Variants in GLS2 observed in about 807,000 individuals in gnomAD.
GLS2 encodes glutaminase liver isoform, mitochondrial.
A neutral mutation model predicts 79.0 loss-of-function variants in GLS2; 52 were observed. The observed-to-expected ratio is 0.66, with a 90% CI of 0.53 to 0.83. The LOEUF (loss-of-function observed/expected upper bound fraction) is 0.83. Ranked by LOEUF, GLS2 falls within the 40% of genes least tolerant of loss-of-function variation. GLS2 has a pLI of 0.00. For synonymous variants in GLS2, 238 were observed against 280.8 expected, an observed-to-expected ratio of 0.85 and a Z score of 1.52; for missense variants, 561 against 764.8, an observed-to-expected ratio of 0.73 and a Z score of 3.14.
At chr12:56,475,273 GCAAA>G in intron 9 of GLS2, 163 bp from the exon 10 acceptor site, 5 of 1,523,480 alleles carry the variant, frequency 3.3e-6, no homozygotes, top group Non-Finnish European at 4.4e-6. Context: ...CTGAACCTGA[GCAAA>G]CACTCAGCAT....
At chr12:56,480,613 T>A (rs1870205580) in intron 1 of GLS2, among the ~76,000 whole-genome samples, 1 of 152,204 alleles carries the variant, frequency 6.6e-6, no homozygotes, top group African/African-American at 2.4e-5. Flanking sequence ...TTTAGCTCCC[T>A]TCTCACACTT....
Position 56,471,435 on chromosome 12 carries a change from T to C in GLS2, c.*52A>G. The C allele has an allele frequency of 1.3e-6, 2 of 1,556,440 alleles. No homozygotes were observed. Among genetic ancestry groups the C allele is most frequent in the Non-Finnish European group, 1.7e-6 (2 of 1,149,872 alleles). On this transcript the variant is annotated 3_prime_UTR_variant, in exon 18 of 18. Coordinates refer to ENST00000311966, the MANE Select transcript of GLS2 (RefSeq NM_013267.4). The stretch of plus-strand genomic sequence containing the variant: ...GTATTTTTGGTGGTTATGGATTACA[T>C]GTGTGGCCAGCTCATGCTTTTTCTT...
intron 1 of GLS2, among the ~76,000 whole-genome samples, chr12:56,482,807 G>A (rs1166873608): frequency 6.6e-6 from 1 of 152,106 alleles, no homozygotes; most frequent in Non-Finnish European, 1.5e-5. Flanking sequence ...ATGTTGCCTA[G>A]GCCGATCTCA....
At position 56,474,606 on chromosome 12, in the gene GLS2, T is replaced by C; in HGVS notation, c.1162A>G (p.Asn388Asp). ...ESVLSAEAVRNTLSLMHSCGM... is the reference protein window; with the variant it reads ...ESVLSAEAVRDTLSLMHSCGM... Reference sequence around the variant, plus strand: ...CAGGAATGCATGAGGCTGAGGGTGTTGCGCACTGCTTCAGCACTCAGCACA... The same window carrying C: ...CAGGAATGCATGAGGCTGAGGGTGTCGCGCACTGCTTCAGCACTCAGCACA... The change falls in exon 12 of 18, where the codon AAC becomes GAC. Residue 388 changes from asparagine to aspartate, a missense_variant. Physicochemically the swap from Asn to Asp is conservative, Grantham distance 23. Coordinates refer to ENST00000311966, the MANE Select transcript of GLS2 (RefSeq NM_013267.4). 1 of 1,614,208 alleles carries C rather than the reference T, an allele frequency of 6.2e-7. No individual in the cohort carries two copies. The highest frequency in any genetic ancestry group is 8.5e-7 in the Non-Finnish European group (1 of 1,180,054).
chr12:56,477,576 C>T, intron 7 of GLS2, 84 bp downstream of exon 7: 1 of 1,404,630 alleles, frequency 7.1e-7, no homozygotes, highest in Admixed American at 2.0e-5. Flanking sequence ...ACCAGTCTCC[C>T]TGGAGAGCTG....
At chr12:56,479,625 C>A in intron 3 of GLS2, 155 bp downstream of exon 3, 2 of 868,852 alleles carry the variant, frequency 2.3e-6, no homozygotes, top group South Asian at 2.8e-5. Context: ...ATTGTTTGAA[C>A]TCTTATGATG....
chr12:56,478,791 G>C, intron 4 of GLS2: 2 of 354,710 alleles, frequency 5.6e-6, no homozygotes, highest in South Asian at 7.4e-5. Context: ...TCAGGAGTTC[G>C]AGACCAGCCT....
At chr12:56,472,275 T>C in intron 15 of GLS2, 80 bp from the exon 16 acceptor site, 4 of 1,303,672 alleles carry the variant, frequency 3.1e-6, no homozygotes, top group Non-Finnish European at 4.4e-6. Flanking sequence ...GGTGTCAGAC[T>C]GGATGAGTTT....
chr12:56,475,799 CCAG>C (rs1295380233), intron 8 of GLS2, 117 bp from the exon 9 acceptor site: 1 of 1,381,730 alleles, frequency 7.2e-7, no homozygotes, highest in Non-Finnish European at 1.0e-6. Flanking sequence ...CTCTCTGAGG[CCAG>C]CAGATTTCCA....
intron 1 of GLS2, among the ~76,000 whole-genome samples, chr12:56,484,201 C>T (rs1256369775): frequency 2.0e-5 from 3 of 152,094 alleles, no homozygotes; most frequent in Non-Finnish European, 2.9e-5. Context: ...ACCCAGGAGG[C>T]GGAGGTTGCA....
At chr12:56,481,775 C>G (rs1870319718) in intron 1 of GLS2, among the ~76,000 whole-genome samples, 1 of 151,238 alleles carries the variant, frequency 6.6e-6, no homozygotes, top group Non-Finnish European at 1.5e-5. Flanking sequence ...CCTGTAATCC[C>G]AGCTACTCCA....
chr12:56,472,633 A>G lies in GLS2; in HGVS notation c.1511+57T>C. On this transcript the variant is annotated intron_variant, in intron 15 of 17. Transcript: ENST00000311966. ...TAACTATTTTGTTACGCTGCCTCCT[A>G]GTAAAATCTCTGACCAGGAGTATTT... 2.7e-6 allele frequency: 4 copies of G among 1,471,970 alleles called. No individual in the cohort carries two copies. The Admixed American group carries it at 6.7e-5, about 25-fold the overall frequency. The allele number at this position is 1,471,970 out of a possible 1,614,324, so 91.2% of individuals were successfully genotyped here.
chr12:56,475,467 A>G (rs1281548849), intron 9 of GLS2, 157 bp downstream of exon 9: 2 of 744,790 alleles, frequency 2.7e-6, no homozygotes, highest in Non-Finnish European at 4.4e-6. Flanking sequence ...AAGATAAACA[A>G]ATGTTTATGA....
At chr12:56,475,524 T>A (rs906658350) in intron 9 of GLS2, 100 bp downstream of exon 9, 156 of 1,254,982 alleles carry the variant, frequency 1.2e-4, no homozygotes, top group Non-Finnish European at 1.6e-4. Flanking sequence ...TGGGATTTCT[T>A]CCTCCTAAGA....
rs1869328577 is a variant in GLS2, at chr12:56,472,075, G to A, written c.1588+44C>T. 5 of 1,594,950 alleles carry A rather than the reference G, an allele frequency of 3.1e-6. No individual in the cohort carries two copies. In the Admixed American group the frequency reaches 5.0e-5, roughly 16 times the overall value. The stretch of plus-strand genomic sequence containing the variant: ...AGGTACTTTTGGTGAAAAAGAAAGG[G>A]TCTTATGATTACCCTCCTCCTCCCC... On this transcript the variant is annotated intron_variant, in intron 16 of 17. Coordinates refer to ENST00000311966, the MANE Select transcript of GLS2 (RefSeq NM_013267.4).
intron 1 of GLS2, among the ~76,000 whole-genome samples, chr12:56,483,856 TG>T (rs1470908146): frequency 2.0e-5 from 3 of 152,240 alleles, no homozygotes; most frequent in African/African-American, 7.2e-5. Flanking sequence ...TTTTTTCATT[TG>T]TTTTTTCTTT....
Position 56,475,997 on chromosome 12 carries a change from T to G in GLS2, c.838-20A>C. 1 of 1,611,466 alleles carries G rather than the reference T, an allele frequency of 6.2e-7. No individual in the cohort carries two copies. On this transcript the variant is annotated intron_variant, in intron 7 of 17. Transcript: ENST00000311966. ...GTCCATCTGCAGAGAAAGAGAGAGA[T>G]GTCAGCATTCTAAGTGTAGGAGGAT...
chr12:56,479,836 G>A lies in GLS2; in HGVS notation c.348C>T (p.His116=). The A allele has an allele frequency of 6.2e-7, 1 of 1,612,352 alleles. No homozygotes were observed. The highest frequency in any genetic ancestry group is 1.3e-5 in the African/African-American group (1 of 74,962). The part of the protein sequence containing the change: ...PRLRDCMSEM[H]RVVQESSSGG... Reference sequence around the variant, plus strand: ...CACTACTGGACTCTTGGACCACGCGGTGCATCTCGCTCATGCAGTCTCGGA... The same window carrying A: ...CACTACTGGACTCTTGGACCACGCGATGCATCTCGCTCATGCAGTCTCGGA... Residue 116 remains histidine (H), a synonymous_variant, in exon 3 of 18, where the codon CAC becomes CAT. Transcript: ENST00000311966.
chr12:56,472,200 G>A lies in GLS2; in HGVS notation c.1512-5C>T, dbSNP rs777197283. The A allele has an allele frequency of 1.2e-6, 2 of 1,614,080 alleles. No homozygotes were observed. Among genetic ancestry groups the A allele is most frequent in the Non-Finnish European group, 1.7e-6 (2 of 1,179,958 alleles). ...TCCATGGCTGACAAGGCAAACCTGA[G>A]GGTAGTGGGAAAGCAGCTAGAGTTG... On this transcript the variant is annotated splice_polypyrimidine_tract_variant and splice_region_variant and intron_variant, in intron 15 of 17. Transcript: ENST00000311966.
Sources: allele counts gnomAD v4.1 joint callset (sites outside exome capture counted in the v4.1 genomes callset), GRCh38; gene constraint gnomAD v4.1.1; transcripts MANE v1.5; gene names NCBI Gene and HGNC (gene_info 2026-07-23, HGNC 2026-07-21).